TMEM177: variants seen among roughly 807,000 people sequenced by gnomAD.
TMEM177 encodes transmembrane protein 177.
Under a neutral mutation model 14.2 loss-of-function variants are expected in TMEM177, and 4 were observed. That is an observed-to-expected ratio of 0.28 (90% CI 0.14 to 0.64). The LOEUF (loss-of-function observed/expected upper bound fraction) is 0.64, where lower values mean the gene tolerates loss of function less well. Among genes scored for constraint, TMEM177 ranks in the 30% least tolerant of loss-of-function variants. TMEM177 has a pLI of 0.82. For missense variants in TMEM177, 344 were observed against 405.2 expected (o/e 0.85, Z 1.30); for synonymous variants, 179 against 174.5 (o/e 1.03, Z -0.20).
chr2:119,707,104 G>T, the TMEM177 span, among the ~76,000 whole-genome samples: 1 of 151,898 alleles, frequency 6.6e-6, no homozygotes, highest in Admixed American at 6.6e-5. Flanking sequence ...GTAGAGACAG[G>T]GTTTCGCCAT....
chr2:119,692,594 C>A, the TMEM177 span, among the ~76,000 whole-genome samples: 1 of 152,222 alleles, frequency 6.6e-6, no homozygotes, highest in African/African-American at 2.4e-5. Flanking sequence ...GCTGGAACTT[C>A]TTTCAGAGAA....
the TMEM177 span, among the ~76,000 whole-genome samples, chr2:119,717,815 T>C: frequency 6.6e-6 from 1 of 152,050 alleles, no homozygotes; most frequent in African/African-American, 2.4e-5. Flanking sequence ...AGATGGAGTT[T>C]TGCCATGTTG....
the TMEM177 span, among the ~76,000 whole-genome samples, chr2:119,707,970 C>T: frequency 3.3e-5 from 5 of 152,204 alleles, no homozygotes; most frequent in African/African-American, 4.8e-5. Flanking sequence ...ATGGCTCCGG[C>T]GCCTCTCCCA....
the TMEM177 span, among the ~76,000 whole-genome samples, chr2:119,718,952 A>G: frequency 6.6e-6 from 1 of 152,142 alleles, no homozygotes; most frequent in Non-Finnish European, 1.5e-5. Context: ...ATTGCCTGGC[A>G]ATGTTGTTAA....
chr2:119,685,837 A>G (rs924605029), downstream of TMEM177: 1 of 630,370 alleles, frequency 1.6e-6, no homozygotes, highest in Non-Finnish European at 2.9e-6. Flanking sequence ...TGGACTCCAT[A>G]GCCCTTTTCC....
the TMEM177 span, among the ~76,000 whole-genome samples, chr2:119,702,659 C>T: frequency 6.6e-6 from 1 of 152,084 alleles, no homozygotes; most frequent in African/African-American, 2.4e-5. Flanking sequence ...TCTTATTCAC[C>T]TGAGTCAGAG....
In TMEM177 at chr2:119,680,853, C is replaced by T; in HGVS notation, c.-1C>T. ...CCAGATTGTCCGCAGTGACTACACT[C>T]ATGGCAGGTCCCCTGTGGCGGACCG... On this transcript the variant is annotated 5_prime_UTR_variant, in exon 2 of 2. Coordinates refer to ENST00000272521, the MANE Select transcript of TMEM177 (RefSeq NM_030577.3). 2 of 1,612,092 alleles carry T rather than the reference C, an allele frequency of 1.2e-6. No individual in the cohort carries two copies. The highest frequency in any genetic ancestry group is 1.7e-4 in the Middle Eastern group (1 of 6,054).
At chr2:119,691,538 GT>G in the TMEM177 span, among the ~76,000 whole-genome samples, 1 of 152,282 alleles carries the variant, frequency 6.6e-6, no homozygotes, top group South Asian at 2.1e-4. Flanking sequence ...ACCCAGTACG[GT>G]TTTATTGATG....
chr2:119,700,107 AAGTT>A, the TMEM177 span: 30 of 254,240 alleles, frequency 1.2e-4, no homozygotes, highest in East Asian at 2.2e-3. Flanking sequence ...CCAGAAGAAA[AAGTT>A]AGCGCAGAAG....
chr2:119,713,052 C>T, the TMEM177 span, among the ~76,000 whole-genome samples: 1 of 150,762 alleles, frequency 6.6e-6, no homozygotes, highest in African/African-American at 2.4e-5. Flanking sequence ...TATTCGACAC[C>T]AAACTTATGA....
At chr2:119,697,726 ATTCCTTGC>A in the TMEM177 span, among the ~76,000 whole-genome samples, 1 of 151,620 alleles carries the variant, frequency 6.6e-6, no homozygotes, top group Non-Finnish European at 1.5e-5. Flanking sequence ...CTCACTCTGG[ATTCCTTGC>A]TTTCTGTCTC....
chr2:119,714,888 G>A, the TMEM177 span, among the ~76,000 whole-genome samples: 4 of 152,246 alleles, frequency 2.6e-5, no homozygotes, highest in African/African-American at 9.6e-5. Context: ...ATGCAAGCTT[G>A]GGCAAGGAAG....
chr2:119,699,004 A>G, the TMEM177 span: 1 of 189,462 alleles, frequency 5.3e-6, no homozygotes, highest in Admixed American at 5.0e-5. Flanking sequence ...CTCAAAACCA[A>G]AAGAAAGGAC....
Position 119,680,894 on chromosome 2 carries a change from G to T in TMEM177, c.41G>T (p.Arg14Ile). The change falls in exon 2 of 2, where the codon AGA becomes ATA. Residue 14 changes from arginine to isoleucine, a missense_variant. Arg to Ile is a moderately conservative substitution (Grantham distance 97, BLOSUM62 -3). Coordinates refer to ENST00000272521, the MANE Select transcript of TMEM177 (RefSeq NM_030577.3). ...PLWRTAAFVQ[R>I]HRTGLLVGSC... ...TGGCGGACCGCAGCATTTGTGCAGA[G>T]ACACAGGACAGGCCTCTTGGTGGGT... The T allele has an allele frequency of 6.2e-7, 1 of 1,614,222 alleles. No homozygotes were observed. The highest frequency in any genetic ancestry group is 8.5e-7 in the Non-Finnish European group (1 of 1,180,022).
intron 1 of TMEM177, 64 bp from the exon 2 acceptor site, chr2:119,680,767 TG>T: frequency 1.5e-6 from 2 of 1,332,796 alleles, no homozygotes; most frequent in Non-Finnish European, 2.1e-6. Flanking sequence ...GTGTGGACCC[TG>T]GAGGATGTTC....
At chr2:119,683,728 A>G, downstream of TMEM177, among the ~76,000 whole-genome samples, 1 of 152,060 alleles carries the variant, frequency 6.6e-6, no homozygotes, top group South Asian at 2.1e-4. Flanking sequence ...GCTACCCTCC[A>G]ACCTTGGCGC....
chr2:119,701,651 G>A, the TMEM177 span, among the ~76,000 whole-genome samples: 1 of 152,232 alleles, frequency 6.6e-6, no homozygotes, highest in South Asian at 2.1e-4. Context: ...TGCCTAGACA[G>A]AGCCGGTTTA....
At chr2:119,687,723 A>C (rs961157017), downstream of TMEM177, among the ~76,000 whole-genome samples, 14 of 152,132 alleles carry the variant, frequency 9.2e-5, no homozygotes, top group Non-Finnish European at 1.9e-4. Context: ...CAGCACCTTC[A>C]CTGCAGCCTT....
chr2:119,694,457 G>T, the TMEM177 span, among the ~76,000 whole-genome samples: 1 of 152,240 alleles, frequency 6.6e-6, no homozygotes, highest in East Asian at 1.9e-4. Context: ...GAGGTGTGGG[G>T]AGAGTGGGTC....
Sources: gnomAD v4.1 joint callset for allele counts (sites outside exome capture counted in the v4.1 genomes callset) on GRCh38, gnomAD v4.1.1 for gene constraint, MANE v1.5 for transcripts, NCBI Gene and HGNC (gene_info 2026-07-23, HGNC 2026-07-21) for gene names.